IQCJ: variants seen among roughly 807,000 people sequenced by gnomAD.
IQCJ encodes the protein IQ motif containing J, also known as IQ domain-containing protein J.
Under a neutral mutation model 11.0 loss-of-function variants are expected in IQCJ, and 9 were observed. The ratio of observed to expected loss-of-function variants is 0.82; its 90% CI spans 0.49 to 1.43. The LOEUF (loss-of-function observed/expected upper bound fraction) is 1.43. Ranked by LOEUF, IQCJ falls within the 40% of genes most tolerant of loss-of-function variation. The pLI, the probability that IQCJ is intolerant of heterozygous loss-of-function variation, is 0.00. For synonymous variants in IQCJ, 55 were observed against 51.3 expected, an observed-to-expected ratio of 1.07 and a Z score of -0.31; for missense variants, 146 against 133.2, an observed-to-expected ratio of 1.10 and a Z score of -0.47.
chr3:159,087,133 G>A (rs1716841297), intron 1 of IQCJ, among the ~76,000 whole-genome samples: 1 of 152,192 alleles, frequency 6.6e-6, no homozygotes, highest in Admixed American at 6.5e-5. Flanking sequence ...ATGAAGGGTT[G>A]TTGAATTTTG....
At chr3:159,159,591 G>C (rs1413311542) in intron 1 of IQCJ, among the ~76,000 whole-genome samples, 2 of 152,010 alleles carry the variant, frequency 1.3e-5, no homozygotes, top group Non-Finnish European at 2.9e-5. Context: ...AGCTTCCTTT[G>C]TAAACCCATG....
intron 1 of IQCJ, among the ~76,000 whole-genome samples, chr3:159,213,339 G>A (rs1725053992): frequency 6.6e-6 from 1 of 152,158 alleles, no homozygotes; most frequent in Non-Finnish European, 1.5e-5. Context: ...ACTGAAGTGG[G>A]TCAAACCATC....
chr3:159,184,650 CAT>C (rs1244740247), intron 1 of IQCJ, among the ~76,000 whole-genome samples: 2 of 152,200 alleles, frequency 1.3e-5, no homozygotes, highest in Non-Finnish European at 2.9e-5. Flanking sequence ...ACATTTCTTA[CAT>C]GTCTACTTCT....
At chr3:159,194,447 C>G (rs1370575577) in intron 1 of IQCJ, among the ~76,000 whole-genome samples, 1 of 152,174 alleles carries the variant, frequency 6.6e-6, no homozygotes, top group East Asian at 1.9e-4. Context: ...CTGTCAGATC[C>G]ATTGCTGTAA....
At chr3:159,223,508 G>A (rs775145672) in intron 1 of IQCJ, among the ~76,000 whole-genome samples, 3 of 151,940 alleles carry the variant, frequency 2.0e-5, no homozygotes, top group South Asian at 2.1e-4. Flanking sequence ...ATCACCTCAC[G>A]TATCCTTGAG....
chr3:159,239,718 A>G (rs966944905), intron 1 of IQCJ, among the ~76,000 whole-genome samples: 1 of 152,252 alleles, frequency 6.6e-6, no homozygotes, highest in African/African-American at 2.4e-5. Flanking sequence ...TTGATCACAT[A>G]TACAACCCAT....
At chr3:159,162,752 T>C (rs1207672384) in intron 1 of IQCJ, among the ~76,000 whole-genome samples, 1 of 152,120 alleles carries the variant, frequency 6.6e-6, no homozygotes, top group Non-Finnish European at 1.5e-5. Flanking sequence ...TCACCACCGA[T>C]CCTACAGAAA....
At chr3:159,201,627 C>CTTTTTTTTTTTT (rs71144478) in intron 1 of IQCJ, among the ~76,000 whole-genome samples, 1 of 70,308 alleles carries the variant, frequency 1.4e-5, no homozygotes, top group Non-Finnish European at 2.6e-5. Context: ...GATAATGATT[C>CTTTTTTTTTTTT]TTTTTTTTTT....
At chr3:159,124,004 T>C (rs905054) in intron 1 of IQCJ, among the ~76,000 whole-genome samples, 49,986 of 152,016 alleles carry the variant, frequency 0.33, 8,566 homozygotes, top group Non-Finnish European at 0.39. Context: ...ACTCTTGCAA[T>C]ATCCTTTCAT....
chr3:159,081,230 T>C (rs1317756755), intron 1 of IQCJ, among the ~76,000 whole-genome samples: 1 of 152,096 alleles, frequency 6.6e-6, no homozygotes, highest in Non-Finnish European at 1.5e-5. Context: ...GAAAATGAAA[T>C]GGCTCCTCCT....
intron 1 of IQCJ, among the ~76,000 whole-genome samples, chr3:159,184,670 T>C (rs1283168479): frequency 1.3e-5 from 2 of 152,190 alleles, no homozygotes; most frequent in Non-Finnish European, 2.9e-5. Flanking sequence ...TCTGTTACAT[T>C]CCATGGTTCT....
At chr3:159,112,090 A>G (rs1475640514) in intron 1 of IQCJ, among the ~76,000 whole-genome samples, 1 of 152,134 alleles carries the variant, frequency 6.6e-6, no homozygotes, top group African/African-American at 2.4e-5. Flanking sequence ...GGCACACTGT[A>G]TGCCATAGGC....
chr3:159,213,612 T>TA (rs1361894783), intron 1 of IQCJ, among the ~76,000 whole-genome samples: 2 of 151,868 alleles, frequency 1.3e-5, no homozygotes, highest in Non-Finnish European at 2.9e-5. Flanking sequence ...TCATGCCTTC[T>TA]ACTTTCTGGA....
intron 1 of IQCJ, among the ~76,000 whole-genome samples, chr3:159,152,730 C>T (rs1237128392): frequency 6.6e-6 from 1 of 152,204 alleles, no homozygotes; most frequent in Non-Finnish European, 1.5e-5. Flanking sequence ...CTATCTCTAA[C>T]TCACATTCTA....
At chr3:159,158,304 T>G (rs939512165) in intron 1 of IQCJ, among the ~76,000 whole-genome samples, 1 of 152,164 alleles carries the variant, frequency 6.6e-6, no homozygotes, top group African/African-American at 2.4e-5. Flanking sequence ...ACAGCTGCAG[T>G]GATGATGCTG....
chr3:159,196,442 A>G (rs559239157), intron 1 of IQCJ, among the ~76,000 whole-genome samples: 2 of 152,130 alleles, frequency 1.3e-5, no homozygotes, highest in Non-Finnish European at 2.9e-5. Flanking sequence ...AACTCCCAAC[A>G]CTCAGGCCAC....
chr3:159,111,271 C>G (rs1355267944), intron 1 of IQCJ, among the ~76,000 whole-genome samples: 1 of 152,142 alleles, frequency 6.6e-6, no homozygotes, highest in South Asian at 2.1e-4. Flanking sequence ...AAATGATTTT[C>G]TAATTTGAAG....
intron 1 of IQCJ, among the ~76,000 whole-genome samples, chr3:159,167,343 A>T (rs114252747): frequency 0.039 from 5,932 of 152,272 alleles, 378 homozygotes; most frequent in African/African-American, 0.14. Context: ...TGGTCATCCA[A>T]GTCACGGAGC....
intron 1 of IQCJ, among the ~76,000 whole-genome samples, chr3:159,113,621 G>A (rs1309909350): frequency 6.6e-6 from 1 of 152,232 alleles, no homozygotes; most frequent in Non-Finnish European, 1.5e-5. Context: ...ACAATGGGAA[G>A]TGATATTCTT....
Sources: allele counts gnomAD v4.1 joint callset (sites outside exome capture counted in the v4.1 genomes callset), GRCh38; gene constraint gnomAD v4.1.1; transcripts MANE v1.5; gene names NCBI Gene and HGNC (gene_info 2026-07-23, HGNC 2026-07-21).